LAMB1: variants seen among roughly 807,000 people sequenced by gnomAD.
LAMB1 encodes laminin subunit beta 1.
In LAMB1, 121 loss-of-function variants were observed where a neutral mutation model predicts 222.3. The observed-to-expected ratio is 0.54, with a 90% CI of 0.47 to 0.63. LAMB1 has a LOEUF of 0.63. Among genes scored for constraint, LAMB1 ranks in the 30% least tolerant of loss-of-function variants. The pLI is 0.00. For synonymous variants in LAMB1, 794 were observed against 807.2 expected (o/e 0.98, Z 0.28); for missense variants, 2,172 against 2,240.8 (o/e 0.97, Z 0.62).
intron 12 of LAMB1, 67 bp from the exon 13 acceptor site, chr7:107,973,138 G>T (rs777891642): frequency 7.9e-7 from 1 of 1,273,732 alleles, no homozygotes; most frequent in Non-Finnish European, 1.1e-6. Flanking sequence ...TCAGCAACAA[G>T]CAAGTTAAAG....
chr7:107,940,707 C>G, intron 24 of LAMB1: 1 of 252,940 alleles, frequency 4.0e-6, no homozygotes, highest in Non-Finnish European at 7.8e-6. Context: ...CCCCAAGTCT[C>G]ACTGCAAGGA....
At chr7:107,983,546 CCT>C (rs1491524839) in intron 7 of LAMB1, among the ~76,000 whole-genome samples, 3 of 144,656 alleles carry the variant, frequency 2.1e-5, no homozygotes, top group Non-Finnish European at 4.5e-5. Flanking sequence ...ACTCCAAAGC[CCT>C]TTTTTTTTTT....
chr7:107,974,838 G>C (rs2033819154), intron 12 of LAMB1, 148 bp downstream of exon 12: 2 of 554,626 alleles, frequency 3.6e-6, no homozygotes, highest in African/African-American at 1.9e-5. Flanking sequence ...TCATCCATTA[G>C]TAATTCCTAT....
intron 7 of LAMB1, among the ~76,000 whole-genome samples, chr7:107,985,372 C>G (rs1298929516): frequency 6.6e-6 from 1 of 152,204 alleles, no homozygotes; most frequent in African/African-American, 2.4e-5. Flanking sequence ...GCCTGTAATC[C>G]CAGCACTTTG....
chr7:107,931,070 C>CG (rs1412418548), intron 29 of LAMB1, among the ~76,000 whole-genome samples: 10 of 152,078 alleles, frequency 6.6e-5, no homozygotes, highest in African/African-American at 2.4e-4. Context: ...TTAGAAATTA[C>CG]TATACGTAAT....
chr7:107,954,008 A>G (rs1250926680), intron 21 of LAMB1, among the ~76,000 whole-genome samples: 1 of 152,172 alleles, frequency 6.6e-6, no homozygotes, highest in African/African-American at 2.4e-5. Flanking sequence ...AGTCTCTAAC[A>G]GTGTTGCAAC....
intron 24 of LAMB1, among the ~76,000 whole-genome samples, chr7:107,941,293 A>G (rs2032975372): frequency 2.6e-5 from 4 of 152,226 alleles, no homozygotes; most frequent in Admixed American, 2.0e-4. Context: ...TTATATCAAC[A>G]TCTGACATTT....
At chr7:107,960,864 T>C (rs1173448053) in intron 17 of LAMB1, among the ~76,000 whole-genome samples, 1 of 152,234 alleles carries the variant, frequency 6.6e-6, no homozygotes, top group Non-Finnish European at 1.5e-5. Flanking sequence ...TAAATGCTAT[T>C]TATTTTTATT....
intron 7 of LAMB1, among the ~76,000 whole-genome samples, chr7:107,981,544 A>C (rs2033974699): frequency 6.6e-6 from 1 of 152,176 alleles, no homozygotes; most frequent in Admixed American, 6.5e-5. Context: ...ACGACAACAA[A>C]AAAGAGTAGC....
chr7:107,953,459 TA>T, intron 22 of LAMB1, 70 bp downstream of exon 22: 1 of 1,128,732 alleles, frequency 8.9e-7, no homozygotes, highest in Non-Finnish European at 1.3e-6. Context: ...ACAGGAAGAA[TA>T]AAATCTGCTG....
chr7:107,968,876 A>C (rs926466839), intron 13 of LAMB1, among the ~76,000 whole-genome samples: 1 of 152,232 alleles, frequency 6.6e-6, no homozygotes, highest in Admixed American at 6.5e-5. Flanking sequence ...GAACTGGAAA[A>C]TAATAAACTT....
chr7:107,958,721 T>G (rs1293642662), intron 20 of LAMB1, among the ~76,000 whole-genome samples: 1 of 152,218 alleles, frequency 6.6e-6, no homozygotes, highest in East Asian at 1.9e-4. Flanking sequence ...CTCTCTCCTA[T>G]TCTTACTCTA....
At chr7:107,943,314 C>CT (rs1231885968) in intron 24 of LAMB1, among the ~76,000 whole-genome samples, 1 of 152,108 alleles carries the variant, frequency 6.6e-6, no homozygotes, top group Admixed American at 6.5e-5. Context: ...ACCATGGGAT[C>CT]TTTTTTTAGT....
At position 107,953,719 on chromosome 7, in the gene LAMB1, CA is replaced by C; in HGVS notation, c.2889del (p.Phe963LeufsTer98). On this transcript the variant is annotated frameshift_variant, in exon 22 of 34. Coordinates refer to ENST00000222399, the MANE Select transcript of LAMB1 (RefSeq NM_002291.3). LOFTEE classifies it high-confidence loss of function. ...SRCDDCASGY[F>X]GNPSEVGGSC... is the part of the protein sequence containing the mutation. ...GACCCCCCAACTTCTGATGGATTGC[CA>C]AAGTATCCTGAGGCACAGTCGTCAC... 6.2e-7 allele frequency: 1 copy of C among 1,614,134 alleles called. No individual in the cohort carries two copies. The highest frequency in any genetic ancestry group is 8.5e-7 in the Non-Finnish European group (1 of 1,180,016).
In LAMB1 at chr7:107,963,128, A is replaced by C. The variant is rs1207643834; in HGVS notation, c.1699-65T>G. 3 of 1,427,964 alleles carry C rather than the reference A, an allele frequency of 2.1e-6. No homozygotes were observed. In the African/African-American group the frequency reaches 4.3e-5, roughly 20 times the overall value. The allele number at this position is 1,427,964 out of a possible 1,614,324, so 88.5% of individuals were successfully genotyped here. On this transcript the variant is annotated intron_variant, in intron 14 of 33. Coordinates refer to ENST00000222399, the MANE Select transcript of LAMB1 (RefSeq NM_002291.3). ...TGGAATTCAATAATTTTCAATAGTC[A>C]AAGTAATCCGAAGTCACCCAAAGAT...
intron 3 of LAMB1, among the ~76,000 whole-genome samples, chr7:108,000,198 C>A (rs1252035878): frequency 6.1e-5 from 9 of 146,716 alleles, no homozygotes; most frequent in Admixed American, 6.8e-5. Context: ...CACCAGAACT[C>A]AAAAAAAAAA....
intron 5 of LAMB1, among the ~76,000 whole-genome samples, chr7:107,991,522 G>A (rs541372369): frequency 1.0e-3 from 154 of 152,148 alleles, no homozygotes; most frequent in Non-Finnish European, 1.7e-3. Flanking sequence ...AGGAGGCAGA[G>A]GCTGCAGTGA....
intron 24 of LAMB1, among the ~76,000 whole-genome samples, chr7:107,943,080 A>G (rs2033030265): frequency 6.6e-6 from 1 of 152,216 alleles, no homozygotes; most frequent in South Asian, 2.1e-4. Context: ...CTCGTAATGA[A>G]TCAGGAAGCT....
chr7:107,986,387 A>G, intron 5 of LAMB1, 24 bp from the exon 6 acceptor site: 1 of 1,465,182 alleles, frequency 6.8e-7, no homozygotes, highest in Non-Finnish European at 9.3e-7. Context: ...CAAAAATCTC[A>G]TTTGATGTTT....
Sources: allele counts gnomAD v4.1 joint callset (sites outside exome capture counted in the v4.1 genomes callset), GRCh38; gene constraint gnomAD v4.1.1; transcripts MANE v1.5; gene names NCBI Gene and HGNC (gene_info 2026-07-23, HGNC 2026-07-21).